KLHL17: variants seen among roughly 807,000 people sequenced by gnomAD.
KLHL17 encodes the protein kelch-like protein 17.
KLHL17 carries 71 observed loss-of-function variants against 64.6 expected under a neutral mutation model. The observed-to-expected ratio is 1.10, with a 90% confidence interval of 0.91 to 1.34. KLHL17 has a LOEUF of 1.34. KLHL17 is among the 40% of genes most tolerant of loss of function. The probability of loss-of-function intolerance (pLI) is 0.00; values close to 1 mark genes in which losing one functional copy is unlikely to be tolerated. For synonymous variants in KLHL17, 612 were observed against 405.4 expected (o/e 1.51, Z -6.12); for missense variants, 1,140 against 935.0 (o/e 1.22, Z -2.86).
At position 963,544 on chromosome 1, in the gene KLHL17, T is replaced by C. The variant is rs572603528; in HGVS notation, c.1355+40T>C. ...GGCCCCAGTGGCTTTGTACAGTCCA[T>C]CTGCAAGAGGCAAGTTTGTGTCACC... is the stretch of plus-strand genomic sequence containing the variant. On this transcript the variant is annotated intron_variant, in intron 8 of 11. Transcript: ENST00000338591. 6.4e-6 allele frequency: 10 copies of C among 1,560,026 alleles called. No homozygotes were observed. The South Asian group carries it at 1.2e-4, about 18-fold the overall frequency.
intron 4 of KLHL17, 67 bp downstream of exon 4, chr1:962,114 C>A: frequency 7.1e-7 from 1 of 1,409,650 alleles, no homozygotes; most frequent in Non-Finnish European, 9.8e-7. Context: ...CTTTGACTCC[C>A]GACCCCGTTT....
chr1:963,287 G>T, intron 7 of KLHL17, 34 bp downstream of exon 7: 7 of 1,599,906 alleles, frequency 4.4e-6, no homozygotes, highest in Non-Finnish European at 5.1e-6. Context: ...GTCGGGTCTG[G>T]CACGTGCCCG....
chr1:963,548 C>T (rs763244372), intron 8 of KLHL17, 44 bp downstream of exon 8: 12 of 1,552,798 alleles, frequency 7.7e-6, no homozygotes, highest in African/African-American at 4.1e-5. Context: ...AGTCCATCTG[C>T]AAGAGGCAAG....
Position 963,997 on chromosome 1 carries a change from T to G in KLHL17, c.1433T>G (p.Val478Gly). 6.2e-7 allele frequency: 1 copy of G among 1,612,524 alleles called. No homozygotes were observed. The highest frequency in any genetic ancestry group is 8.5e-7 in the Non-Finnish European group (1 of 1,179,904). ...AMSTRRRYVR[V>G]ATLDGNLYAV... Reference sequence around the variant, plus strand: ...AGCACCCGGAGGCGCTATGTGCGAGTGGCCACGCTTGGTGGGTGATGGGGC... The same window carrying G: ...AGCACCCGGAGGCGCTATGTGCGAGGGGCCACGCTTGGTGGGTGATGGGGC... The change falls in exon 9 of 12, where the codon GTG becomes GGG. Residue 478 changes from valine to glycine, a missense_variant. Physicochemically the swap from Val to Gly is moderately radical, Grantham distance 109 (BLOSUM62 -3). Transcript: ENST00000338591.
intron 1 of KLHL17, 125 bp from the exon 2 acceptor site, chr1:961,168 G>A (rs1362614285): frequency 4.7e-6 from 3 of 639,272 alleles, no homozygotes; most frequent in Admixed American, 5.1e-5. Context: ...GAGGTCAGGC[G>A]AGGGCTGCCG....
At chr1:960,971 G>A (rs1433178243) in intron 1 of KLHL17, 171 bp downstream of exon 1, 6 of 367,250 alleles carry the variant, frequency 1.6e-5, no homozygotes, top group African/African-American at 6.6e-5. Flanking sequence ...CGCCCCGCGC[G>A]CCCAGGACGC....
chr1:962,761 G>GAT lies in KLHL17; in HGVS notation c.887_888dup (p.Ala297MetfsTer6). 6.2e-7 allele frequency: 1 copy of GAT among 1,611,152 alleles called. No homozygotes were observed. On this transcript the variant is annotated frameshift_variant, in exon 6 of 12. Transcript: ENST00000338591. LOFTEE classifies it high-confidence loss of function. ...CCGCGACTTCCTGCTGGGCCACGTG[G>GAT]ATGCCGAGAGCCTGGTGAGGCACCA... is the stretch of plus-strand genomic sequence containing the variant.
rs1310809257 is a variant in KLHL17, at chr1:965,370, G to C, written c.*179G>C. The C allele has an allele frequency of 3.2e-6, 2 of 624,786 alleles. No individual in the cohort carries two copies. Among genetic ancestry groups the C allele is most frequent in the Non-Finnish European group, 5.5e-6 (2 of 362,968 alleles). 38.7% of individuals were successfully genotyped at this position (624,786 alleles called of 1,614,324 possible). On this transcript the variant is annotated 3_prime_UTR_variant, in exon 12 of 12. Transcript: ENST00000338591. ...TTGAGGGGTGAGGAGTGCCACGGCT[G>C]CCCGTTTACACCTTTAGCGTCTGGT...
chr1:964,124 G>A lies in KLHL17; in HGVS notation c.1462G>A (p.Val488Met). Reference protein sequence around the residue: ...VATLDGNLYAVGGYDSSSHLA... With the variant: ...VATLDGNLYAMGGYDSSSHLA... ...TCCGGCAGATGGGAACCTGTATGCT[G>A]TGGGCGGCTACGACAGCTCCTCACA... The change falls in exon 10 of 12, where the codon GTG becomes ATG. Residue 488 changes from valine (V) to methionine (M), a missense_variant. Transcript: ENST00000338591. The A allele has an allele frequency of 1.2e-6, 2 of 1,612,728 alleles. No homozygotes were observed. The highest frequency in any genetic ancestry group is 1.7e-6 in the Non-Finnish European group (2 of 1,179,932).
chr1:963,017 C>A, intron 6 of KLHL17, 92 bp from the exon 7 acceptor site: 1 of 1,538,128 alleles, frequency 6.5e-7, no homozygotes, highest in Non-Finnish European at 8.8e-7. Flanking sequence ...CCTGCCCCTC[C>A]GCCCCTCCAT....
At chr1:961,064 C>T (rs1186686217) in intron 1 of KLHL17, 2 of 194,792 alleles carry the variant, frequency 1.0e-5, no homozygotes, top group East Asian at 1.9e-4. Flanking sequence ...GGGCCGGACG[C>T]GGGGCTCTGT....
In KLHL17 at chr1:961,301, C is replaced by T. The variant is rs1557628570; in HGVS notation, c.116C>T (p.Ala39Val). 1 of 1,515,092 alleles carries T rather than the reference C, an allele frequency of 6.6e-7. No individual in the cohort carries two copies. The highest frequency in any genetic ancestry group is 1.4e-5 in the African/African-American group (1 of 71,106). 93.9% of individuals were successfully genotyped at this position (1,515,092 alleles called of 1,614,324 possible). A position where few individuals can be genotyped will look rare whatever the true frequency, so the allele number is the denominator to read the frequency against. The change falls in exon 2 of 12, where the codon GCA becomes GTA. Residue 39 changes from alanine to valine, a missense_variant. Coordinates refer to ENST00000338591, the MANE Select transcript of KLHL17 (RefSeq NM_198317.3). Reference protein sequence around the residue: ...PPPPQPPAPEAERTRPRQARP... With the variant: ...PPPPQPPAPEVERTRPRQARP... The stretch of plus-strand genomic sequence containing the variant: ...CCGCCCGCCTCCTGCAGCCCCGAGG[C>T]AGAGCGCACGCGGCCCCGGCAGGCT...
At chr1:962,633 G>A (rs1642710393) in intron 5 of KLHL17, 71 bp from the exon 6 acceptor site, 3 of 1,529,768 alleles carry the variant, frequency 2.0e-6, no homozygotes, top group Non-Finnish European at 2.6e-6. Flanking sequence ...GGGCATCTGG[G>A]GGGTTGTCTC....
rs28530579 is a variant in KLHL17, at chr1:961,740, G to C, written c.479G>C (p.Gly160Ala). ...AYTAEIVVGEGNVQTLLPAAS... is the reference protein window; with the variant it reads ...AYTAEIVVGEANVQTLLPAAS... ...ACGGCTGAGATTGTGGTGGGCGAGG[G>C]CAATGTGCAGGTGAGGGCTCCCTCA... is the stretch of plus-strand genomic sequence containing the variant. The change falls in exon 3 of 12, where the codon GGC becomes GCC. Residue 160 changes from glycine (G) to alanine (A), a missense_variant. By Grantham distance (60) the Gly-to-Ala change is moderately conservative. Coordinates refer to ENST00000338591, the MANE Select transcript of KLHL17 (RefSeq NM_198317.3). The C allele has an allele frequency of 2.5e-6, 4 of 1,611,770 alleles. No homozygotes were observed. The African/African-American group carries it at 5.3e-5, about 22-fold the overall frequency.
In KLHL17 at chr1:962,049, T is replaced by TAAC; in HGVS notation, c.711+4_711+6dup. 1 of 1,612,222 alleles carries TAAC rather than the reference T, an allele frequency of 6.2e-7. No homozygotes were observed. The highest frequency in any genetic ancestry group is 8.5e-7 in the Non-Finnish European group (1 of 1,179,592). On this transcript the variant is annotated splice_region_variant and intron_variant, in intron 4 of 11. Transcript: ENST00000338591. Reference sequence around the variant, plus strand: ...TTTATGCTGCTGCCCCTGAAACAGGTAACAGCTGGCGGGCCCAGCCCTCGC... The same window carrying TAAC: ...TTTATGCTGCTGCCCCTGAAACAGGTAACAACAGCTGGCGGGCCCAGCCCTCGC...
chr1:963,977 C>G lies in KLHL17; in HGVS notation c.1413C>G (p.Thr471=). ...GTWTSVAAMS[T]RRRYVRVATL... ...GGACGTCCGTCGCTGCCATGAGCAC[C>G]CGGAGGCGCTATGTGCGAGTGGCCA... The change falls in exon 9 of 12, where the codon ACC becomes ACG. Residue 471 remains threonine, a synonymous_variant. Coordinates refer to ENST00000338591, the MANE Select transcript of KLHL17 (RefSeq NM_198317.3). 1 of 1,612,610 alleles carries G rather than the reference C, an allele frequency of 6.2e-7. No homozygotes were observed. The highest frequency in any genetic ancestry group is 8.5e-7 in the Non-Finnish European group (1 of 1,179,928).
chr1:965,456 G>A lies in KLHL17; in HGVS notation c.*265G>A. On this transcript the variant is annotated 3_prime_UTR_variant, in exon 12 of 12. Transcript: ENST00000338591. ...GGGGCGCGGGGAGTGACCAGGCGGG[G>A]GCCTCACCGCCCCAGGGCCGTTGCC... The A allele has an allele frequency of 1.9e-6, 1 of 538,208 alleles. No individual in the cohort carries two copies. Among genetic ancestry groups the A allele is most frequent in the Non-Finnish European group, 3.3e-6 (1 of 304,480 alleles). The allele number at this position is 538,208 out of a possible 1,614,324, so 33.3% of individuals were successfully genotyped here.
At chr1:962,605 C>T in intron 5 of KLHL17, 99 bp from the exon 6 acceptor site, 6 of 1,520,644 alleles carry the variant, frequency 3.9e-6, no homozygotes, top group Non-Finnish European at 5.3e-6. Context: ...GAAGAAGAAT[C>T]CATCACACAG....
chr1:963,976 C>T lies in KLHL17; in HGVS notation c.1412C>T (p.Thr471Ile), dbSNP rs1642773999. The change falls in exon 9 of 12, where the codon ACC becomes ATC. Residue 471 changes from threonine (T) to isoleucine (I), a missense_variant. By Grantham distance (89) the Thr-to-Ile change is moderately conservative (BLOSUM62 -1). Transcript: ENST00000338591. ...TGGACGTCCGTCGCTGCCATGAGCA[C>T]CCGGAGGCGCTATGTGCGAGTGGCC... is the stretch of plus-strand genomic sequence containing the variant. ...GTWTSVAAMS[T>I]RRRYVRVATL... 2 of 1,612,610 alleles carry T rather than the reference C, an allele frequency of 1.2e-6. No homozygotes were observed. The highest frequency in any genetic ancestry group is 2.7e-5 in the African/African-American group (2 of 75,032).
Sources: allele counts gnomAD v4.1 joint callset, GRCh38; gene constraint gnomAD v4.1.1; transcripts MANE v1.5; gene names NCBI Gene and HGNC (gene_info 2026-07-23, HGNC 2026-07-21).